The following KPNA5 variants were observed in gnomAD, a reference collection of about 807,000 sequenced individuals.
KPNA5 encodes the protein karyopherin subunit alpha 5, also known as importin subunit alpha-6.
Under a neutral mutation model 71.3 loss-of-function variants are expected in KPNA5, and 46 were observed. The ratio of observed to expected loss-of-function variants is 0.65; its 90% confidence interval spans 0.51 to 0.83. The LOEUF is 0.83. KPNA5 is among the 40% of genes least tolerant of loss of function. The probability of loss-of-function intolerance (pLI) is 0.00; values close to 1 mark genes in which losing one functional copy is unlikely to be tolerated. For synonymous variants in KPNA5, 207 were observed against 201.4 expected (o/e 1.03, Z -0.24); for missense variants, 547 against 628.3 (o/e 0.87, Z 1.38).
Position 116,737,594 on chromosome 6 carries a change from T to C in KPNA5, c.*5271T>C, listed in dbSNP as rs184280993. The C allele has an allele frequency of 1.3e-5, 2 of 152,124 alleles. No homozygotes were observed. Among genetic ancestry groups the C allele is most frequent in the Admixed American group, 1.3e-4 (2 of 15,210 alleles). The allele number at this position is 152,124 out of a possible 1,614,324, so 9.4% of individuals were successfully genotyped here. On this transcript the variant is annotated 3_prime_UTR_variant, in exon 14 of 14. Transcript: ENST00000368564. The stretch of plus-strand genomic sequence containing the variant: ...TAGGCAGTAAGAGACAGAGCAGTCA[T>C]AGGGCTCAACTAGTTTGTTTCCTCT...
chr6:116,707,229 G>C (rs1778478476), intron 7 of KPNA5, among the ~76,000 whole-genome samples: 1 of 151,976 alleles, frequency 6.6e-6, no homozygotes, highest in South Asian at 2.1e-4. Flanking sequence ...TAATGCTTAA[G>C]TAAATGTAAA....
rs1779412486 is a variant in KPNA5, at chr6:116,729,639, G to A, written c.1330G>A (p.Ala444Thr). Residue 444 changes from alanine to threonine, a missense_variant, in exon 13 of 14, where the codon GCT becomes ACT. Coordinates refer to ENST00000368564, the MANE Select transcript of KPNA5 (RefSeq NM_001366306.2). ...TATGGACTCCAAAATAGTCCAAGTG[G>A]CTTTAAATGGACTTGAAAATATTTT... ...TVMDSKIVQV[A>T]LNGLENILRL... 2.5e-6 allele frequency: 4 copies of A among 1,610,380 alleles called. No homozygotes were observed. The Admixed American group carries it at 5.0e-5, about 20-fold the overall frequency.
intron 1 of KPNA5, among the ~76,000 whole-genome samples, chr6:116,686,515 T>G (rs1562425400): frequency 6.6e-6 from 1 of 152,200 alleles, no homozygotes; most frequent in African/African-American, 2.4e-5. Context: ...TTTACTCTGT[T>G]GACAGATTCT....
Position 116,729,717 on chromosome 6 carries a change from T to G in KPNA5, c.1408T>G (p.Cys470Gly). Reference protein sequence around the residue: ...KQNGIGINPYCALIEEAYGLD... With the variant: ...KQNGIGINPYGALIEEAYGLD... ...GAATGGAATAGGCATTAATCCATAC[T>G]GTGCTCTCATTGAAGAAGCATATGG... Residue 470 changes from cysteine (C) to glycine (G), a missense_variant, in exon 13 of 14, where the codon TGT (cysteine) becomes GGT (glycine). By Grantham distance (159) the Cys-to-Gly change is radical. Coordinates refer to ENST00000368564, the MANE Select transcript of KPNA5 (RefSeq NM_001366306.2). 2 of 1,567,702 alleles carry G rather than the reference T, an allele frequency of 1.3e-6. No homozygotes were observed. The highest frequency in any genetic ancestry group is 1.7e-6 in the Non-Finnish European group (2 of 1,156,320).
intron 4 of KPNA5, 116 bp from the exon 5 acceptor site, chr6:116,698,588 C>T (rs1778113991): frequency 8.2e-6 from 5 of 610,106 alleles, no homozygotes; most frequent in Admixed American, 3.9e-5. Flanking sequence ...GGGTTTTAAT[C>T]TTGGGTCAGG....
chr6:116,694,434 C>G (rs907603320), intron 4 of KPNA5, among the ~76,000 whole-genome samples: 49 of 152,024 alleles, frequency 3.2e-4, no homozygotes, highest in Admixed American at 6.5e-5. Context: ...TTGTAGTTCT[C>G]CTTGAAGAGG....
At position 116,733,805 on chromosome 6, in the gene KPNA5, T is replaced by C. The variant is rs1779578227; in HGVS notation, c.*1482T>C. On this transcript the variant is annotated 3_prime_UTR_variant, in exon 14 of 14. Transcript: ENST00000368564. ...GTCTATTCTTTAAAAAAAGATTTCATTTATGATAGTATTTGTAATGTTTCT... is the reference window on the plus strand; with the variant it reads ...GTCTATTCTTTAAAAAAAGATTTCACTTATGATAGTATTTGTAATGTTTCT... 1 of 151,732 alleles carries C rather than the reference T, an allele frequency of 6.6e-6. No homozygotes were observed. The highest frequency in any genetic ancestry group is 2.4e-5 in the African/African-American group (1 of 41,422). 9.4% of individuals were successfully genotyped at this position (151,732 alleles called of 1,614,324 possible). A position where few individuals can be genotyped will look rare whatever the true frequency, so the allele number is the denominator to read the frequency against.
Position 116,740,815 on chromosome 6 carries a change from A to G in KPNA5, c.*8492A>G, listed in dbSNP as rs1294108849. Reference sequence around the variant, plus strand: ...ACAATGAGAACACATGGACACAGGAAGGGGAACATCACACTCTGGGGACTG... The same window carrying G: ...ACAATGAGAACACATGGACACAGGAGGGGGAACATCACACTCTGGGGACTG... On this transcript the variant is annotated 3_prime_UTR_variant, in exon 14 of 14. Coordinates refer to ENST00000368564, the MANE Select transcript of KPNA5 (RefSeq NM_001366306.2). 1 of 121,070 alleles carries G rather than the reference A, an allele frequency of 8.3e-6. No homozygotes were observed. The allele number at this position is 121,070 out of a possible 1,614,324, so 7.5% of individuals were successfully genotyped here. A position where few individuals can be genotyped will look rare whatever the true frequency, so the allele number is the denominator to read the frequency against.
At chr6:116,714,357 C>G (rs1778809567) in intron 7 of KPNA5, among the ~76,000 whole-genome samples, 1 of 152,088 alleles carries the variant, frequency 6.6e-6, no homozygotes, top group East Asian at 1.9e-4. Context: ...TATCTGGAGC[C>G]AAAAATAAAC....
chr6:116,726,427 A>G (rs1583445792), intron 11 of KPNA5, 68 bp from the exon 12 acceptor site: 3 of 1,307,870 alleles, frequency 2.3e-6, no homozygotes, highest in Non-Finnish European at 3.1e-6. Context: ...TTGAGTTTCA[A>G]GATTTTTTTT....
chr6:116,709,820 A>C (rs1203939058), intron 7 of KPNA5, among the ~76,000 whole-genome samples: 1 of 150,722 alleles, frequency 6.6e-6, no homozygotes, highest in African/African-American at 2.5e-5. Flanking sequence ...GCTTGAGTAC[A>C]GTGGCATGAT....
intron 1 of KPNA5, among the ~76,000 whole-genome samples, chr6:116,684,834 T>C (rs566461564): frequency 2.6e-5 from 4 of 152,294 alleles, no homozygotes; most frequent in African/African-American, 9.6e-5. Flanking sequence ...TATACACTTA[T>C]TAGAATGGCT....
intron 2 of KPNA5, 36 bp from the exon 3 acceptor site, chr6:116,692,019 A>T: frequency 7.6e-7 from 1 of 1,323,164 alleles, no homozygotes; most frequent in South Asian, 1.2e-5. Context: ...GTTTTATGGA[A>T]AGCTCAATGT....
At chr6:116,706,532 A>G (rs1321314544) in intron 7 of KPNA5, among the ~76,000 whole-genome samples, 1 of 152,128 alleles carries the variant, frequency 6.6e-6, no homozygotes, top group Non-Finnish European at 1.5e-5. Context: ...TCTACTGAAA[A>G]TACAAAATTA....
chr6:116,705,794 G>T (rs1016408690), intron 7 of KPNA5, among the ~76,000 whole-genome samples: 1 of 152,124 alleles, frequency 6.6e-6, no homozygotes, highest in African/African-American at 2.4e-5. Context: ...ATGGCTAGAA[G>T]TAAATATTTT....
intron 7 of KPNA5, among the ~76,000 whole-genome samples, chr6:116,710,896 T>TA (rs58391857): frequency 1.1e-5 from 1 of 90,678 alleles, no homozygotes; most frequent in Non-Finnish European, 2.0e-5. Flanking sequence ...TATATATATT[T>TA]TTTTTTTTTT....
In KPNA5 at chr6:116,711,501, GT is replaced by G. The variant is rs961149637; in HGVS notation, c.657-4707del. 5.7e-3 allele frequency among the ~76,000 whole-genome samples: 764 copies of G among 133,414 alleles called. 2 individuals are homozygous for G. Among genetic ancestry groups the G allele is most frequent in the Non-Finnish European group, 8.8e-3 (546 of 62,156 alleles). The allele number at this position is 133,414 out of a possible 152,430, so 87.5% of individuals were successfully genotyped here. A position where few individuals can be genotyped will look rare whatever the true frequency, so the allele number is the denominator to read the frequency against. ...CACTACATCCCTTAAGTTTTGGTGTGTTTTTTTTTTTATTTATCTCAAAGTA... is the reference window on the plus strand; with the variant it reads ...CACTACATCCCTTAAGTTTTGGTGTGTTTTTTTTTTATTTATCTCAAAGTA... On this transcript the variant is annotated intron_variant, in intron 7 of 13. Transcript: ENST00000368564.
In KPNA5 at chr6:116,690,513, G is replaced by A. The variant is rs115459774; in HGVS notation, c.138+1060G>A. Among the ~76,000 whole-genome samples, 330 of 151,922 alleles carry A rather than the reference G, an allele frequency of 2.2e-3. 2 individuals are homozygous for A. The highest frequency in any genetic ancestry group is 7.6e-3 in the African/African-American group (316 of 41,420). The stretch of plus-strand genomic sequence containing the variant: ...AAAAAATTAGACATGCGTGGTGGCT[G>A]GCGCCTGTTGTCCCAGCTACTCAGG... On this transcript the variant is annotated intron_variant, in intron 2 of 13. Coordinates refer to ENST00000368564, the MANE Select transcript of KPNA5 (RefSeq NM_001366306.2).
chr6:116,711,450 A>G (rs1244953915), intron 7 of KPNA5, among the ~76,000 whole-genome samples: 2 of 150,894 alleles, frequency 1.3e-5, no homozygotes, highest in Non-Finnish European at 2.9e-5. Context: ...GTTAACAACT[A>G]TAAATTTTTT....
Sources: allele counts gnomAD v4.1 joint callset (sites outside exome capture counted in the v4.1 genomes callset), GRCh38; gene constraint gnomAD v4.1.1; transcripts MANE v1.5; gene names NCBI Gene and HGNC (gene_info 2026-07-23, HGNC 2026-07-21).